STK3: variants seen among roughly 807,000 people sequenced by gnomAD.
STK3 encodes serine/threonine kinase 3.
A neutral mutation model predicts 58.0 loss-of-function variants in STK3; 41 were observed. That is an observed-to-expected ratio of 0.71 (90% CI 0.55 to 0.92). The LOEUF (loss-of-function observed/expected upper bound fraction) is 0.92. Ranked by LOEUF, STK3 falls within the 40% of genes least tolerant of loss-of-function variation. The probability of loss-of-function intolerance (pLI) is 0.00; values close to 1 mark genes in which losing one functional copy is unlikely to be tolerated. For missense variants in STK3, 479 were observed against 602.7 expected (o/e 0.79, Z 2.15); for synonymous variants, 170 against 191.0 (o/e 0.89, Z 0.91).
chr8:98,883,912 G>A (rs899552158), intron 1 of STK3: 8 of 549,084 alleles, frequency 1.5e-5, no homozygotes, highest in African/African-American at 3.8e-5. Context: ...TAGGGTTGCC[G>A]GGGATGACTT....
chr8:98,872,160 T>A (rs1036605873), intron 3 of STK3, among the ~76,000 whole-genome samples: 23 of 152,226 alleles, frequency 1.5e-4, no homozygotes, highest in Admixed American at 3.3e-4. Flanking sequence ...GATTTGCGTA[T>A]GTTTAACCAG....
intron 8 of STK3, 111 bp from the exon 9 acceptor site, chr8:98,548,272 T>C (rs539497199): frequency 1.3e-6 from 1 of 755,240 alleles, no homozygotes; most frequent in Non-Finnish European, 1.8e-6. Context: ...AAAAATACTA[T>C]TAGTACTGAT....
intron 3 of STK3, among the ~76,000 whole-genome samples, chr8:98,842,551 G>A (rs762766249): frequency 6.6e-6 from 1 of 151,980 alleles, no homozygotes; most frequent in African/African-American, 2.4e-5. Context: ...GGTGGCATGC[G>A]CCTGTAGTCC....
At chr8:98,688,105 A>G (rs1824139258) in intron 6 of STK3, among the ~76,000 whole-genome samples, 1 of 152,212 alleles carries the variant, frequency 6.6e-6, no homozygotes, top group Non-Finnish European at 1.5e-5. Flanking sequence ...ACAGAAAACA[A>G]AGAAAAGCAG....
At chr8:98,708,125 C>G (rs1251949893) in intron 4 of STK3, among the ~76,000 whole-genome samples, 1 of 150,060 alleles carries the variant, frequency 6.7e-6, no homozygotes, top group South Asian at 2.1e-4. Context: ...GGCGACACAG[C>G]GAGACTCCAT....
chr8:98,886,184 C>T (rs1837984222), intron 1 of STK3, among the ~76,000 whole-genome samples: 1 of 152,150 alleles, frequency 6.6e-6, no homozygotes, highest in African/African-American at 2.4e-5. Context: ...ACTATGTACA[C>T]ATACACACAC....
chr8:98,850,993 G>C (rs1162169908), intron 3 of STK3, among the ~76,000 whole-genome samples: 1 of 152,146 alleles, frequency 6.6e-6, no homozygotes, highest in Non-Finnish European at 1.5e-5. Context: ...GCTCCTTCTT[G>C]TGATTAAGTC....
chr8:98,471,500 T>C (rs4734406), intron 10 of STK3, among the ~76,000 whole-genome samples: 70,436 of 151,558 alleles, frequency 0.46, 16,538 homozygotes, highest in Admixed American at 0.56. Flanking sequence ...ATGCTCAGAA[T>C]AATTAACATT....
Position 98,617,478 on chromosome 8 carries a change from G to A in STK3, c.685-21309C>T, listed in dbSNP as rs1212059030. 2.1e-3 allele frequency among the ~76,000 whole-genome samples: 295 copies of A among 143,362 alleles called. 3 individuals are homozygous for A. Among genetic ancestry groups the A allele is most frequent in the African/African-American group, 7.3e-3 (283 of 38,578 alleles). 94.1% of individuals were successfully genotyped at this position (143,362 alleles called of 152,430 possible). A position where few individuals can be genotyped will look rare whatever the true frequency, so the allele number is the denominator to read the frequency against. On this transcript the variant is annotated intron_variant, in intron 6 of 10. Coordinates refer to ENST00000419617, the MANE Select transcript of STK3 (RefSeq NM_006281.4). ...AACTAAAATCAGAGCAGAACTGAAG[G>A]AAATAGAGACACAAAAAACCCTTCA...
chr8:98,765,900 C>T (rs1563977764), intron 3 of STK3, among the ~76,000 whole-genome samples: 1 of 152,234 alleles, frequency 6.6e-6, no homozygotes, highest in Admixed American at 6.5e-5. Flanking sequence ...CTTCACATTG[C>T]ATAAGATGCT....
intron 1 of STK3, among the ~76,000 whole-genome samples, chr8:98,787,677 G>A (rs544116304): frequency 5.3e-5 from 8 of 152,296 alleles, no homozygotes; most frequent in African/African-American, 1.4e-4. Context: ...TAAGAGCCAT[G>A]AGGAAAAAGC....
At chr8:98,513,801 G>A (rs1824713581) in intron 10 of STK3, among the ~76,000 whole-genome samples, 1 of 152,116 alleles carries the variant, frequency 6.6e-6, no homozygotes, top group Non-Finnish European at 1.5e-5. Context: ...CCAGGACTGG[G>A]GAAGAAGCAA....
intron 4 of STK3, among the ~76,000 whole-genome samples, chr8:98,736,143 C>T (rs140537941): frequency 2.0e-5 from 3 of 152,200 alleles, no homozygotes; most frequent in Non-Finnish European, 4.4e-5. Context: ...ATTTATTGTG[C>T]TTTCTTTATG....
At chr8:98,434,213 C>G (rs991417261) in exon 3 of STK3, 16 of 152,174 alleles carry the variant, frequency 1.1e-4, no homozygotes, top group Non-Finnish European at 2.1e-4. Context: ...GCCCCGCACT[C>G]GTTAAGGCTG....
rs111497345 is a variant in STK3, at chr8:98,536,026, C to T, written c.1142-9109G>A. Among the ~76,000 whole-genome samples, 145 of 152,148 alleles carry T rather than the reference C, an allele frequency of 9.5e-4. 1 individual carries two copies. The highest frequency in any genetic ancestry group is 3.4e-3 in the African/African-American group (143 of 41,502). On this transcript the variant is annotated intron_variant, in intron 9 of 10. Transcript: ENST00000419617. Reference sequence around the variant, plus strand: ...GAAGCAGACTACTCCTTGGTGTTGACTAAATAAAGAAAGGAAATTACTAGG... The same window carrying T: ...GAAGCAGACTACTCCTTGGTGTTGATTAAATAAAGAAAGGAAATTACTAGG...
intron 6 of STK3, among the ~76,000 whole-genome samples, chr8:98,655,083 T>C (rs1821363917): frequency 6.6e-6 from 1 of 151,716 alleles, no homozygotes; most frequent in Non-Finnish European, 1.5e-5. Context: ...GACTTCAAAC[T>C]ATACTACAAG....
chr8:98,752,075 G>A (rs750241451), intron 3 of STK3, among the ~76,000 whole-genome samples: 13 of 151,798 alleles, frequency 8.6e-5, no homozygotes, highest in South Asian at 2.1e-4. Flanking sequence ...TTTGAGATTC[G>A]GCACAGAACT....
chr8:98,754,615 T>C (rs1341149462), intron 3 of STK3, among the ~76,000 whole-genome samples: 4 of 152,064 alleles, frequency 2.6e-5, no homozygotes, highest in Non-Finnish European at 5.9e-5. Flanking sequence ...GTTCGAGTGA[T>C]TCTCGTGCCT....
Position 98,710,503 on chromosome 8 carries a change from C to A in STK3, c.352-3192G>T, listed in dbSNP as rs368435774. ...CACACCAGGAGATTATATCCCGCGC[C>A]TGGCTTGGAGGGTCCTACACCCATG... On this transcript the variant is annotated intron_variant, in intron 4 of 10. Coordinates refer to ENST00000419617, the MANE Select transcript of STK3 (RefSeq NM_006281.4). Among the ~76,000 whole-genome samples the A allele has an allele frequency of 2.0e-3, 312 of 152,344 alleles. 1 individual carries two copies. Among genetic ancestry groups the A allele is most frequent in the Non-Finnish European group, 3.3e-3 (224 of 68,022 alleles).
Sources: gnomAD v4.1 joint callset for allele counts (sites outside exome capture counted in the v4.1 genomes callset) on GRCh38, gnomAD v4.1.1 for gene constraint, MANE v1.5 for transcripts, NCBI Gene and HGNC (gene_info 2026-07-23, HGNC 2026-07-21) for gene names.